IST1: variants seen among roughly 807,000 people sequenced by gnomAD.
IST1 encodes IST1 factor associated with ESCRT-III.
A neutral mutation model predicts 37.0 loss-of-function variants in IST1; 23 were observed. The observed-to-expected ratio is 0.62, with a 90% CI of 0.45 to 0.88. The LOEUF (loss-of-function observed/expected upper bound fraction) is 0.88, where lower values mean the gene tolerates loss of function less well. Ranked by LOEUF, IST1 falls within the 40% of genes least tolerant of loss-of-function variation. IST1 has a pLI of 0.00. For missense variants in IST1, 488 were observed against 445.4 expected (o/e 1.10, Z -0.86); for synonymous variants, 180 against 161.7 (o/e 1.11, Z -0.86).
chr16:71,896,369 T>C (rs2036971972), intron 1 of IST1, among the ~76,000 whole-genome samples: 2 of 152,090 alleles, frequency 1.3e-5, no homozygotes, highest in African/African-American at 2.4e-5. Context: ...TGGTCTTAGA[T>C]CTTTAGGGGA....
Position 71,916,510 on chromosome 16 carries a change from C to G in IST1, c.137C>G (p.Ala46Gly), listed in dbSNP as rs771041848. Residue 46 changes from alanine (A) to glycine (G), a missense_variant, in exon 3 of 10, where the codon GCT becomes GGT. This residue lies in a region of IST1 where 33 missense variants were observed against 59.3 expected (regional missense o/e 0.56). Coordinates refer to ENST00000378799, the MANE Select transcript of IST1 (RefSeq NM_001270975.2). Reference sequence around the variant, plus strand: ...AAGGAGATTGCTGACTATCTGGCTGCTGGGAAAGATGAACGAGCTCGGATC... The same window carrying G: ...AAGGAGATTGCTGACTATCTGGCTGGTGGGAAAGATGAACGAGCTCGGATC... ...ARKEIADYLA[A>G]GKDERARIRV... 6.2e-7 allele frequency: 1 copy of G among 1,613,374 alleles called. No homozygotes were observed. Among genetic ancestry groups the G allele is most frequent in the Non-Finnish European group, 8.5e-7 (1 of 1,179,844 alleles).
chr16:71,920,491 A>T (rs891364027), intron 4 of IST1, among the ~76,000 whole-genome samples: 3 of 152,372 alleles, frequency 2.0e-5, no homozygotes, highest in Non-Finnish European at 2.9e-5. Flanking sequence ...TAAGAACAGT[A>T]TCTGTTTTGT....
intron 9 of IST1, 137 bp downstream of exon 9, chr16:71,924,954 A>C (rs1401943372): frequency 4.7e-6 from 3 of 631,902 alleles, no homozygotes; most frequent in Non-Finnish European, 8.5e-6. Flanking sequence ...CCCAAATGCT[A>C]AAATAGAACT....
intron 2 of IST1, among the ~76,000 whole-genome samples, 160 bp from the exon 3 acceptor site, chr16:71,916,302 T>C (rs1196667737): frequency 2.0e-5 from 3 of 152,122 alleles, no homozygotes; most frequent in Non-Finnish European, 4.4e-5. Flanking sequence ...CTAGACAGAG[T>C]AGCAAATTCT....
chr16:71,896,895 G>A (rs984438223), intron 1 of IST1, among the ~76,000 whole-genome samples: 1 of 151,894 alleles, frequency 6.6e-6, no homozygotes, highest in Non-Finnish European at 1.5e-5. Context: ...TTGAGCCTGG[G>A]AGGTGGAGAT....
At chr16:71,908,453 C>G (rs898963985) in intron 1 of IST1, among the ~76,000 whole-genome samples, 2 of 152,010 alleles carry the variant, frequency 1.3e-5, no homozygotes, top group Admixed American at 6.6e-5. Context: ...GCGTGTGCCA[C>G]CACGCCCGGA....
At chr16:71,910,974 T>A (rs1381213373) in intron 1 of IST1, among the ~76,000 whole-genome samples, 1 of 152,042 alleles carries the variant, frequency 6.6e-6, no homozygotes, top group Non-Finnish European at 1.5e-5. Context: ...TCAGCTTGAT[T>A]TAAAAACAAA....
intron 1 of IST1, among the ~76,000 whole-genome samples, chr16:71,906,784 C>T (rs1371791001): frequency 2.0e-5 from 3 of 152,086 alleles, no homozygotes; most frequent in East Asian, 1.9e-4. Flanking sequence ...CTTTTGGTCT[C>T]CCTGGTTTCT....
chr16:71,922,978 C>T (rs906433580), intron 7 of IST1: 30 of 491,204 alleles, frequency 6.1e-5, no homozygotes, highest in African/African-American at 5.5e-4. Context: ...ATGAATAAAC[C>T]ACCAATTATT....
At position 71,929,543 on chromosome 16, in the gene IST1, GT is replaced by G. The variant is rs2037842412; in HGVS notation, c.*1731del. 6.4e-7 allele frequency: 1 copy of G among 1,550,604 alleles called. No individual in the cohort carries two copies. On this transcript the variant is annotated 3_prime_UTR_variant, in exon 10 of 10. Coordinates refer to ENST00000378799, the MANE Select transcript of IST1 (RefSeq NM_001270975.2). ...CCAAGTAGGAGATAACAGGATTAAG[GT>G]AGTTCATCTAAAACTTCAGTGTCAC...
chr16:71,895,516 G>A (rs1597224728), upstream of IST1: 2 of 985,750 alleles, frequency 2.0e-6, no homozygotes, highest in Non-Finnish European at 2.4e-6. Context: ...TTGTGCTGAG[G>A]CCGAGGGAGT....
In IST1 at chr16:71,929,078, G is replaced by A. The variant is rs2037822807; in HGVS notation, c.*1265G>A. On this transcript the variant is annotated 3_prime_UTR_variant, in exon 10 of 10. Transcript: ENST00000378799. ...TTTTAGTGGAGAATATTTTAACCAA[G>A]TGATCCATGTAAACCAGCCCTTAGT... 6.5e-6 allele frequency: 1 copy of A among 153,024 alleles called. No individual in the cohort carries two copies. The highest frequency in any genetic ancestry group is 1.5e-5 in the Non-Finnish European group (1 of 68,600). The allele number at this position is 153,024 out of a possible 1,614,324, so 9.5% of individuals were successfully genotyped here.
At chr16:71,914,100 G>T (rs57949916) in intron 1 of IST1, among the ~76,000 whole-genome samples, 1 of 109,984 alleles carries the variant, frequency 9.1e-6, no homozygotes, top group African/African-American at 4.1e-5. Flanking sequence ...GAGCCACTGC[G>T]CCCGGCTGGT....
intron 4 of IST1, 139 bp from the exon 5 acceptor site, chr16:71,920,600 T>C (rs1163579869): frequency 3.2e-6 from 2 of 620,418 alleles, no homozygotes; most frequent in Admixed American, 2.8e-5. Flanking sequence ...AGTGGATTAA[T>C]GCATACCCCT....
chr16:71,923,872 A>AAT (rs1361785368), intron 8 of IST1, among the ~76,000 whole-genome samples: 1 of 152,194 alleles, frequency 6.6e-6, no homozygotes, highest in Non-Finnish European at 1.5e-5. Flanking sequence ...TTTGCTAATG[A>AAT]ATAGCTAATA....
chr16:71,899,624 C>T (rs1027541697), intron 1 of IST1, among the ~76,000 whole-genome samples: 2 of 152,174 alleles, frequency 1.3e-5, no homozygotes, highest in Non-Finnish European at 2.9e-5. Flanking sequence ...ACCTGTAATC[C>T]CAGCACTCTG....
chr16:71,912,212 C>G lies in IST1; in HGVS notation c.-15-3414C>G, dbSNP rs568227958. 2.6e-5 allele frequency among the ~76,000 whole-genome samples: 4 copies of G among 152,102 alleles called. No individual in the cohort carries two copies. The East Asian group carries it at 7.7e-4, about 29-fold the overall frequency. On this transcript the variant is annotated intron_variant, in intron 1 of 9. Transcript: ENST00000378799. ...CATACAAAATAATTTTATGTCTCTT[C>G]TTAAAAAGGCCTGTTCTGTCTCCAT... is the stretch of plus-strand genomic sequence containing the variant.
At position 71,923,389 on chromosome 16, in the gene IST1, C is replaced by T. The variant is rs2037657332; in HGVS notation, c.852+9C>T. 4 of 1,559,514 alleles carry T rather than the reference C, an allele frequency of 2.6e-6. No individual in the cohort carries two copies. Among genetic ancestry groups the T allele is most frequent in the Non-Finnish European group, 3.5e-6 (4 of 1,131,130 alleles). On this transcript the variant is annotated intron_variant, in intron 8 of 9. Transcript: ENST00000378799. ...CCCCATCGTATGAATCTGTAAGTGC[C>T]TGAGCCTCTTTTATAAGCAACAGGA...
chr16:71,907,586 G>A (rs1833771601), intron 1 of IST1, among the ~76,000 whole-genome samples: 2 of 151,668 alleles, frequency 1.3e-5, no homozygotes, highest in Admixed American at 1.3e-4. Context: ...CCCCTTATAG[G>A]ATTTAATGAC....
Sources: allele counts gnomAD v4.1 joint callset (sites outside exome capture counted in the v4.1 genomes callset), GRCh38; gene constraint gnomAD v4.1.1; regional missense constraint gnomAD v4.1.1; transcripts MANE v1.5; gene names NCBI Gene and HGNC (gene_info 2026-07-23, HGNC 2026-07-21).